Variants in EVL observed in about 807,000 individuals in gnomAD.
The protein encoded by EVL is Enah/Vasp-like.
Under a neutral mutation model 59.6 loss-of-function variants are expected in EVL, and 21 were observed. The observed-to-expected ratio is 0.35, with a 90% CI of 0.25 to 0.51. The LOEUF is 0.51. Among genes scored for constraint, EVL ranks in the 20% least tolerant of loss-of-function variants. EVL has a pLI of 0.97. For missense variants in EVL, 462 were observed against 546.6 expected (o/e 0.85, Z 1.54); for synonymous variants, 198 against 203.5 (o/e 0.97, Z 0.23).
chr14:100,065,751 A>G (rs781510296), intron 1 of EVL, among the ~76,000 whole-genome samples: 79 of 152,006 alleles, frequency 5.2e-4, no homozygotes, highest in Non-Finnish European at 1.1e-3. Flanking sequence ...GTGACCTTTA[A>G]TGGCTTCTGA....
chr14:100,115,766 G>A (rs1172623164), intron 3 of EVL, among the ~76,000 whole-genome samples: 4 of 152,194 alleles, frequency 2.6e-5, no homozygotes, highest in Non-Finnish European at 5.9e-5. Context: ...CAGCAGAAAA[G>A]ACTAGAAAAT....
intron 1 of EVL, among the ~76,000 whole-genome samples, chr14:99,984,699 C>T (rs1203617098): frequency 6.6e-6 from 1 of 152,058 alleles, no homozygotes; most frequent in African/African-American, 2.4e-5. Context: ...CTGCAACCTC[C>T]ACCTCCCAGT....
At chr14:100,013,684 G>GT (rs2061031921) in intron 1 of EVL, among the ~76,000 whole-genome samples, 1 of 152,228 alleles carries the variant, frequency 6.6e-6, no homozygotes, top group East Asian at 1.9e-4. Flanking sequence ...GTGGCTCCTT[G>GT]TGTTTCATCT....
At chr14:100,121,477 A>C (rs1043921149) in intron 3 of EVL, among the ~76,000 whole-genome samples, 3 of 152,246 alleles carry the variant, frequency 2.0e-5, no homozygotes, top group Admixed American at 1.3e-4. Context: ...ATGGTGGCTC[A>C]AAACAATTGA....
intron 3 of EVL, among the ~76,000 whole-genome samples, chr14:100,112,574 A>T (rs1887072806): frequency 6.6e-6 from 1 of 152,006 alleles, no homozygotes; most frequent in Non-Finnish European, 1.5e-5. Flanking sequence ...CTCCTCCTTC[A>T]TCCCAGTTAC....
chr14:100,137,270 G>A (rs767510068), intron 9 of EVL: 47 of 442,528 alleles, frequency 1.1e-4, no homozygotes, highest in South Asian at 1.8e-4. Context: ...TGGGATGTCC[G>A]GGGAGGTCGT....
chr14:100,120,727 G>A (rs1887642485), intron 3 of EVL, among the ~76,000 whole-genome samples: 1 of 152,174 alleles, frequency 6.6e-6, no homozygotes, highest in Non-Finnish European at 1.5e-5. Context: ...GTGGCCTGGG[G>A]CCTAGGCTGA....
chr14:100,101,341 C>G (rs1007853197), intron 3 of EVL, among the ~76,000 whole-genome samples: 2 of 152,170 alleles, frequency 1.3e-5, no homozygotes, highest in African/African-American at 2.4e-5. Flanking sequence ...TAAAATTAGG[C>G]ATGATGGTGC....
intron 1 of EVL, among the ~76,000 whole-genome samples, chr14:99,978,537 G>C (rs888959617): frequency 1.3e-5 from 2 of 151,998 alleles, no homozygotes; most frequent in African/African-American, 2.4e-5. Flanking sequence ...AGTTTAACCT[G>C]GTTCTCCATT....
upstream of EVL, among the ~76,000 whole-genome samples, chr14:100,063,180 G>A (rs555605094): frequency 6.6e-6 from 1 of 152,286 alleles, no homozygotes; most frequent in Admixed American, 6.5e-5. Flanking sequence ...CCTTGAGATG[G>A]AGCGGTTATC....
intron 1 of EVL, among the ~76,000 whole-genome samples, chr14:100,020,605 C>T (rs901154113): frequency 6.6e-6 from 1 of 152,140 alleles, no homozygotes; most frequent in Non-Finnish European, 1.5e-5. Context: ...AACCTCAGTT[C>T]TACCTCTATG....
rs561579418 is a variant in EVL at position 100,128,763 on chromosome 14, G to C, written c.717+15G>C. On this transcript the variant is annotated intron_variant, in intron 6 of 13. Coordinates refer to ENST00000392920, the MANE Select transcript of EVL (RefSeq NM_016337.3). ...GAGTCCAACGGGTAAGAGCTCCTGT[G>C]TGCGGGGTGGGAATGGGACCGAGGG... 3.6e-5 allele frequency: 57 copies of C among 1,599,346 alleles called. No homozygotes were observed. Among genetic ancestry groups the C allele is most frequent in the Non-Finnish European group, 4.8e-5 (56 of 1,177,434 alleles).
At position 100,022,160 on chromosome 14, in the gene EVL, A is replaced by G. The variant is rs369540835; in HGVS notation, c.5+50103A>G. ...CCTACATGAATATAAAGGGGGAAGCACATCCTGGGGCCGGCTCCATCAGGT... is the reference window on the plus strand; with the variant it reads ...CCTACATGAATATAAAGGGGGAAGCGCATCCTGGGGCCGGCTCCATCAGGT... On this transcript the variant is annotated intron_variant, in intron 1 of 13. Coordinates refer to the EVL transcript ENST00000402714. Among the ~76,000 whole-genome samples the G allele has an allele frequency of 3.4e-4, 51 of 152,154 alleles. No homozygotes were observed. The East Asian group carries it at 9.1e-3, about 27-fold the overall frequency.
chr14:100,027,515 G>C (rs776455187), intron 1 of EVL, among the ~76,000 whole-genome samples: 3 of 151,674 alleles, frequency 2.0e-5, no homozygotes, highest in Non-Finnish European at 4.4e-5. Flanking sequence ...CGTCTCTCTC[G>C]TGCCTGCCTC....
intron 3 of EVL, among the ~76,000 whole-genome samples, chr14:100,104,555 AG>A (rs1886436733): frequency 6.6e-6 from 1 of 152,256 alleles, no homozygotes; most frequent in Admixed American, 6.5e-5. Flanking sequence ...TGAGGGCCCC[AG>A]GGCAAAAGAT....
At chr14:100,076,736 G>A (rs1045661813) in intron 1 of EVL, among the ~76,000 whole-genome samples, 24 of 152,302 alleles carry the variant, frequency 1.6e-4, no homozygotes, top group Non-Finnish European at 2.4e-4. Context: ...CACAGAGTGC[G>A]GGGGGTGGAG....
chr14:100,013,235 T>A (rs1056213653), intron 1 of EVL, among the ~76,000 whole-genome samples: 3 of 152,238 alleles, frequency 2.0e-5, no homozygotes, highest in African/African-American at 7.2e-5. Context: ...TTGTTCAGCA[T>A]AAGACAATGT....
intron 3 of EVL, among the ~76,000 whole-genome samples, chr14:100,116,889 A>G (rs1887383889): frequency 6.6e-6 from 1 of 152,206 alleles, no homozygotes; most frequent in South Asian, 2.1e-4. Flanking sequence ...CTTTATAGAA[A>G]ATGGAAGTCC....
chr14:100,046,421 C>T (rs1020203722), intron 1 of EVL, among the ~76,000 whole-genome samples: 1 of 152,182 alleles, frequency 6.6e-6, no homozygotes. Flanking sequence ...AATCCCAACA[C>T]TTTGGGAGGC....
Sources: gnomAD v4.1 joint callset for allele counts (sites outside exome capture counted in the v4.1 genomes callset) on GRCh38, gnomAD v4.1.1 for gene constraint, MANE v1.5 for transcripts, NCBI Gene and HGNC (gene_info 2026-07-23, HGNC 2026-07-21) for gene names.